Variants in SHB observed in about 807,000 individuals in gnomAD.
SHB encodes SH2 domain-containing adapter protein B.
A neutral mutation model predicts 52.3 loss-of-function variants in SHB; 20 were observed. That is an observed-to-expected ratio of 0.38 (90% CI 0.27 to 0.56). The LOEUF (loss-of-function observed/expected upper bound fraction) is 0.56. Ranked by LOEUF, SHB falls within the 20% of genes least tolerant of loss-of-function variation. The pLI is 0.71. For synonymous variants in SHB, 397 were observed against 316.5 expected, an observed-to-expected ratio of 1.25 and a Z score of -2.70; for missense variants, 825 against 723.3, an observed-to-expected ratio of 1.14 and a Z score of -1.61.
intron 1 of SHB, among the ~76,000 whole-genome samples, chr9:38,065,441 T>C (rs1447510850): frequency 6.6e-6 from 1 of 152,142 alleles, no homozygotes; most frequent in Non-Finnish European, 1.5e-5. Context: ...CCCTCAGCCA[T>C]TTCCCCTCAA....
In SHB at chr9:37,974,726, C is replaced by T. The variant is rs775842292; in HGVS notation, c.950G>A (p.Ser317Asn). 6.2e-7 allele frequency: 1 copy of T among 1,614,132 alleles called. No individual in the cohort carries two copies. The highest frequency in any genetic ancestry group is 2.2e-5 in the East Asian group (1 of 44,874). Residue 317 changes from serine (S) to asparagine (N), a missense_variant, in exon 3 of 6, where the codon AGC becomes AAC. Coordinates refer to ENST00000377707, the MANE Select transcript of SHB (RefSeq NM_003028.3). The stretch of plus-strand genomic sequence containing the variant: ...CAGCTTGCTCTCCCGCAGTCGGGGG[C>T]TGACTGTGCTCTCCGAGTCTGAGTC... ...SVDSDSESTV[S>N]PRLRESKLPQ...
chr9:38,047,515 G>C (rs927647051), intron 1 of SHB, among the ~76,000 whole-genome samples: 2 of 152,256 alleles, frequency 1.3e-5, no homozygotes, highest in African/African-American at 4.8e-5. Flanking sequence ...TTAACAGAGG[G>C]GAAAACTGCA....
In SHB at chr9:37,948,647, G is replaced by T. The variant is rs747360697; in HGVS notation, c.1334C>A (p.Ser445Tyr). ...GGGCGGCACTCACCTCAGGGAGAGG[G>T]AGTAGTCATGCTTGCTGGTCTGGCT... Reference protein sequence around the residue: ...RNSQTSKHDYSLSLRSNQGFM... With the variant: ...RNSQTSKHDYYLSLRSNQGFM... Residue 445 changes from serine to tyrosine, a missense_variant, in exon 5 of 6, where the codon TCC (serine) becomes TAC (tyrosine). Ser to Tyr is a moderately radical substitution (Grantham distance 144, BLOSUM62 -2). Transcript: ENST00000377707. 6.2e-7 allele frequency: 1 copy of T among 1,613,586 alleles called. No individual in the cohort carries two copies.
At chr9:38,037,408 G>T (rs1210725779) in intron 1 of SHB, among the ~76,000 whole-genome samples, 2 of 152,102 alleles carry the variant, frequency 1.3e-5, no homozygotes, top group Admixed American at 6.5e-5. Context: ...ACTTCCCCAG[G>T]GGGTCTTCAC....
intron 1 of SHB, 97 bp downstream of exon 1, chr9:38,067,832 C>G: frequency 3.9e-6 from 5 of 1,287,770 alleles, no homozygotes; most frequent in East Asian, 6.2e-5. Flanking sequence ...TAGGCCGAAG[C>G]TGAAGTAGAG....
At chr9:37,939,071 C>T (rs780144153) in intron 5 of SHB, among the ~76,000 whole-genome samples, 1 of 152,204 alleles carries the variant, frequency 6.6e-6, no homozygotes, top group Non-Finnish European at 1.5e-5. Flanking sequence ...CCTTTCTACT[C>T]CCACTGCCCT....
intron 1 of SHB, among the ~76,000 whole-genome samples, chr9:38,057,311 CAT>C (rs565265398): frequency 1.2e-3 from 181 of 151,842 alleles, no homozygotes; most frequent in Non-Finnish European, 1.7e-3. Flanking sequence ...GAAAAATAAA[CAT>C]ATATATATAT....
intron 5 of SHB, among the ~76,000 whole-genome samples, chr9:37,937,933 A>C (rs1212833779): frequency 6.6e-6 from 1 of 152,088 alleles, no homozygotes; most frequent in Non-Finnish European, 1.5e-5. Context: ...TGGATGATTC[A>C]ACTCCCTTTG....
In SHB at chr9:38,068,690, G is replaced by GC; in HGVS notation, c.-46dup. 1 of 1,247,722 alleles carries GC rather than the reference G, an allele frequency of 8.0e-7. No homozygotes were observed. The highest frequency in any genetic ancestry group is 3.3e-5 in the East Asian group (1 of 30,018). The allele number at this position is 1,247,722 out of a possible 1,614,324, so 77.3% of individuals were successfully genotyped here. On this transcript the variant is annotated 5_prime_UTR_variant, in exon 1 of 6. An upstream open reading frame in the 5' UTR loses its in-frame stop. Coordinates refer to ENST00000377707, the MANE Select transcript of SHB (RefSeq NM_003028.3). ...CCGCGGCGCGGGAGCCCGGTCCGCC[G>GC]CCGCGGCCATTCGGGGGGCAGCGCT...
intron 2 of SHB, among the ~76,000 whole-genome samples, chr9:38,006,265 G>C (rs1821074618): frequency 6.6e-6 from 1 of 152,132 alleles, no homozygotes; most frequent in South Asian, 2.1e-4. Flanking sequence ...CATAGAACCT[G>C]TCTCCCTGCC....
chr9:37,964,493 C>T (rs1022644146), intron 3 of SHB, among the ~76,000 whole-genome samples: 1 of 152,094 alleles, frequency 6.6e-6, no homozygotes, highest in South Asian at 2.1e-4. Context: ...AGATAAAGCC[C>T]GATGAAGATG....
At chr9:37,956,407 A>G (rs1176369743) in intron 3 of SHB, among the ~76,000 whole-genome samples, 1 of 152,010 alleles carries the variant, frequency 6.6e-6, no homozygotes, top group African/African-American at 2.4e-5. Flanking sequence ...TCAGGGGAAA[A>G]AGCTGTTTCT....
intron 1 of SHB, among the ~76,000 whole-genome samples, chr9:38,034,763 C>A (rs532536620): frequency 2.2e-4 from 33 of 152,378 alleles, no homozygotes; most frequent in African/African-American, 7.2e-4. Context: ...GTGGTGCGAT[C>A]TCAGCTCACT....
At chr9:38,043,422 T>A (rs73646139) in intron 1 of SHB, among the ~76,000 whole-genome samples, 2 of 152,102 alleles carry the variant, frequency 1.3e-5, no homozygotes, top group Non-Finnish European at 2.9e-5. Context: ...TGCATTTCCC[T>A]GTCTGAAAGC....
At chr9:37,990,069 T>C (rs184370152) in intron 2 of SHB, among the ~76,000 whole-genome samples, 5 of 152,314 alleles carry the variant, frequency 3.3e-5, no homozygotes, top group African/African-American at 1.2e-4. Context: ...GTGTGAAAGA[T>C]GTCATCAACT....
intron 2 of SHB, among the ~76,000 whole-genome samples, chr9:38,005,979 T>C (rs145363813): frequency 8.1e-4 from 123 of 152,228 alleles, no homozygotes; most frequent in African/African-American, 2.8e-3. Flanking sequence ...ATTCAATCTC[T>C]CCCAAGCACC....
At position 38,068,592 on chromosome 9, in the gene SHB, G is replaced by A. The variant is rs769221659; in HGVS notation, c.54C>T (p.Ser18=). 7 of 1,494,942 alleles carry A rather than the reference G, an allele frequency of 4.7e-6. No individual in the cohort carries two copies. The highest frequency in any genetic ancestry group is 4.4e-5 in the African/African-American group (3 of 68,314). The allele number at this position is 1,494,942 out of a possible 1,614,324, so 92.6% of individuals were successfully genotyped here. The change falls in exon 1 of 6, where the codon AGC becomes AGT. Residue 18 remains serine (S), a synonymous_variant. Coordinates refer to ENST00000377707, the MANE Select transcript of SHB (RefSeq NM_003028.3). ...AGTCTGGCCGCGGCGGCTGCGGGGG[G>A]CTCTTGGTCTTGCTGTTGCCCAAGC... is the stretch of plus-strand genomic sequence containing the variant. ...YFSLGNSKTK[S]PPQPPRPDYR...
At chr9:38,049,643 A>T (rs928907086) in intron 1 of SHB, among the ~76,000 whole-genome samples, 1 of 151,166 alleles carries the variant, frequency 6.6e-6, no homozygotes, top group Non-Finnish European at 1.5e-5. Context: ...AGCAAAAAAA[A>T]AAAAAAAAAG....
intron 2 of SHB, among the ~76,000 whole-genome samples, chr9:37,992,537 T>C (rs1244511218): frequency 6.9e-6 from 1 of 144,244 alleles, no homozygotes; most frequent in East Asian, 1.9e-4. Context: ...AGGCTTACAC[T>C]TCAGTGGAGG....
Sources: allele counts gnomAD v4.1 joint callset (sites outside exome capture counted in the v4.1 genomes callset), GRCh38; gene constraint gnomAD v4.1.1; transcripts MANE v1.5; gene names NCBI Gene and HGNC (gene_info 2026-07-23, HGNC 2026-07-21).